The following LINGO2 variants were observed in gnomAD, a reference collection of about 807,000 sequenced individuals.
LINGO2 encodes the protein leucine-rich repeat and immunoglobulin-like domain-containing nogo receptor-interacting protein 2.
A neutral mutation model predicts 30.6 loss-of-function variants in LINGO2; 14 were observed. The observed-to-expected ratio is 0.46, with a 90% confidence interval of 0.30 to 0.72. The LOEUF (loss-of-function observed/expected upper bound fraction) is 0.72, where lower values mean the gene tolerates loss of function less well. Among genes scored for constraint, LINGO2 ranks in the 30% least tolerant of loss-of-function variants. The probability of loss-of-function intolerance (pLI) is 0.07; values close to 1 mark genes in which losing one functional copy is unlikely to be tolerated. For synonymous variants in LINGO2, 317 were observed against 288.5 expected (o/e 1.10, Z -1.00); for missense variants, 729 against 751.7 (o/e 0.97, Z 0.35).
rs188972418 is a variant in LINGO2 at position 27,985,653 on chromosome 9, G to A, written c.-36+26702C>T. Among the ~76,000 whole-genome samples the A allele has an allele frequency of 2.3e-4, 34 of 148,274 alleles. No individual in the cohort carries two copies. The East Asian group carries it at 6.2e-3, about 27-fold the overall frequency. On this transcript the variant is annotated intron_variant, in intron 5 of 5. Transcript: ENST00000379992. ...GGTAAATGTTTATGGTTTTCAATTA[G>A]GGTTTATTATTATTACTTCTATGAT... is the stretch of plus-strand genomic sequence containing the variant.
At chr9:28,203,406 T>C (rs1268945467) in intron 4 of LINGO2, among the ~76,000 whole-genome samples, 1 of 152,182 alleles carries the variant, frequency 6.6e-6, no homozygotes, top group African/African-American at 2.4e-5. Context: ...CTGCAGTGCC[T>C]CCTCTTATGA....
chr9:29,165,145 A>C, the LINGO2 span, among the ~76,000 whole-genome samples: 4 of 152,156 alleles, frequency 2.6e-5, no homozygotes, highest in Admixed American at 1.3e-4. Flanking sequence ...CCTTGTACTA[A>C]TATTTGCTCT....
chr9:29,178,628 A>C, the LINGO2 span, among the ~76,000 whole-genome samples: 2 of 152,308 alleles, frequency 1.3e-5, no homozygotes, highest in East Asian at 1.9e-4. Context: ...AATTGTTATG[A>C]ACTATACGAG....
At chr9:28,532,121 T>C (rs1298896665) in intron 1 of LINGO2, among the ~76,000 whole-genome samples, 1 of 152,108 alleles carries the variant, frequency 6.6e-6, no homozygotes, top group African/African-American at 2.4e-5. Context: ...CATTTTAATT[T>C]CTTATACAAA....
chr9:28,996,364 T>A, the LINGO2 span, among the ~76,000 whole-genome samples: 1 of 152,152 alleles, frequency 6.6e-6, no homozygotes, highest in Non-Finnish European at 1.5e-5. Context: ...ACTACGTAAC[T>A]AGATTTCAGA....
chr9:29,107,870 C>T, the LINGO2 span, among the ~76,000 whole-genome samples: 5 of 143,158 alleles, frequency 3.5e-5, no homozygotes, highest in Non-Finnish European at 6.2e-5. Flanking sequence ...TTTTCACCCT[C>T]CCCTTATGCC....
rs577283882 is a variant in LINGO2, at chr9:28,375,137, CA to C, written c.-278-2270del. Among the ~76,000 whole-genome samples the C allele has an allele frequency of 9.9e-3, 1,230 of 124,050 alleles. 17 individuals are homozygous for C. The highest frequency in any genetic ancestry group is 0.024 in the Middle Eastern group (6 of 246). The allele number at this position is 124,050 out of a possible 152,430, so 81.4% of individuals were successfully genotyped here. ...ACACACACACACACACACACACATA[CA>C]CCCCACACTAAGCTTCTCTCCACTC... is the stretch of plus-strand genomic sequence containing the variant. On this transcript the variant is annotated intron_variant, in intron 2 of 5. Coordinates refer to ENST00000379992, the Ensembl canonical transcript of LINGO2.
chr9:28,978,585 T>C, the LINGO2 span, among the ~76,000 whole-genome samples: 1 of 152,168 alleles, frequency 6.6e-6, no homozygotes, highest in South Asian at 2.1e-4. Flanking sequence ...CTGACACATA[T>C]TAAGTCCTCA....
At chr9:28,643,325 C>T (rs377158432) in intron 1 of LINGO2, among the ~76,000 whole-genome samples, 6 of 151,962 alleles carry the variant, frequency 3.9e-5, no homozygotes, top group African/African-American at 1.2e-4. Flanking sequence ...AAGCATGCTA[C>T]TGGCATAAAA....
intron 2 of LINGO2, among the ~76,000 whole-genome samples, chr9:28,431,895 T>C (rs202218180): frequency 0.17 from 25,746 of 152,076 alleles, 2,473 homozygotes; most frequent in East Asian, 0.42. Flanking sequence ...ATAGGACATT[T>C]TTTTTCCCTT....
the LINGO2 span, among the ~76,000 whole-genome samples, chr9:28,762,675 T>A: frequency 6.6e-6 from 1 of 152,056 alleles, no homozygotes; most frequent in African/African-American, 2.4e-5. Context: ...TCAACCCCTC[T>A]CTTGTCCCCT....
At chr9:28,557,656 C>G (rs1822800573) in intron 1 of LINGO2, among the ~76,000 whole-genome samples, 1 of 151,484 alleles carries the variant, frequency 6.6e-6, no homozygotes, top group African/African-American at 2.4e-5. Context: ...GGTATATACC[C>G]AAAGGACTAT....
At chr9:28,131,814 T>A (rs7025977) in intron 4 of LINGO2, among the ~76,000 whole-genome samples, 148,343 of 152,248 alleles carry the variant, frequency 0.97, 72,390 homozygotes, top group Non-Finnish European at 1. Flanking sequence ...TCACACCTCT[T>A]AGGTGATTTC....
the LINGO2 span, among the ~76,000 whole-genome samples, chr9:29,125,130 A>T: frequency 6.6e-6 from 1 of 152,130 alleles, no homozygotes; most frequent in Non-Finnish European, 1.5e-5. Context: ...GAAGCTGGAA[A>T]ACCATCATTC....
the LINGO2 span, among the ~76,000 whole-genome samples, chr9:29,007,150 TG>T: frequency 1.3e-5 from 2 of 152,210 alleles, no homozygotes; most frequent in Middle Eastern, 3.4e-3. Flanking sequence ...TCAAAGGTAA[TG>T]GTAGAGAAGT....
intron 1 of LINGO2, among the ~76,000 whole-genome samples, chr9:28,655,158 G>A (rs941814666): frequency 5.9e-5 from 9 of 151,962 alleles, no homozygotes; most frequent in African/African-American, 1.9e-4. Context: ...AGAGTTGATC[G>A]TTTTATAAGG....
the LINGO2 span, among the ~76,000 whole-genome samples, chr9:29,149,607 G>A: frequency 3.3e-5 from 5 of 151,926 alleles, no homozygotes; most frequent in African/African-American, 1.2e-4. Flanking sequence ...CTAGGGAAGA[G>A]GTGAGTGAAG....
chr9:28,354,199 T>G (rs564491895), intron 3 of LINGO2, among the ~76,000 whole-genome samples: 1 of 152,332 alleles, frequency 6.6e-6, no homozygotes, highest in Non-Finnish European at 1.5e-5. Context: ...TTAAAATTGT[T>G]AAGACATATA....
chr9:27,972,338 A>C (rs1044877279), intron 5 of LINGO2, among the ~76,000 whole-genome samples: 12 of 150,866 alleles, frequency 8.0e-5, no homozygotes, highest in African/African-American at 2.7e-4. Flanking sequence ...AAATTGTCTG[A>C]GGAGAATAGC....
Sources: allele counts gnomAD v4.1 joint callset (sites outside exome capture counted in the v4.1 genomes callset), GRCh38; gene constraint gnomAD v4.1.1; transcripts MANE v1.5; gene names NCBI Gene and HGNC (gene_info 2026-07-23, HGNC 2026-07-21).